DMD: variants seen among roughly 807,000 people sequenced by gnomAD.
DMD encodes the protein mutant dystrophin.
A neutral mutation model predicts 330.1 loss-of-function variants in DMD; 63 were observed. The ratio of observed to expected loss-of-function variants is 0.19; its 90% confidence interval spans 0.16 to 0.24. DMD has a LOEUF of 0.24. Ranked by LOEUF, DMD falls within the 10% of genes least tolerant of loss-of-function variation. The pLI, the probability that DMD is intolerant of heterozygous loss-of-function variation, is 1.00. For synonymous variants in DMD, 1,223 were observed against 959.8 expected (o/e 1.27, Z -5.07); for missense variants, 3,344 against 2,684.1 (o/e 1.25, Z -5.43).
chrX:32,733,851 G>T (rs1177656638), intron 7 of DMD, among the ~76,000 whole-genome samples: 1 of 102,656 alleles, frequency 9.7e-6, no homozygotes, highest in African/African-American at 3.6e-5. Context: ...ACAATTAAAA[G>T]AACTAGAAAA....
intron 59 of DMD, among the ~76,000 whole-genome samples, chrX:31,466,513 TG>T (rs1257466659): frequency 9.0e-6 from 1 of 111,487 alleles, no homozygotes; most frequent in Non-Finnish European, 1.9e-5. Context: ...TCTGTTCCAT[TG>T]GTCTATATAT....
intron 56 of DMD, among the ~76,000 whole-genome samples, chrX:31,501,257 C>T (rs865845653): frequency 1.8e-5 from 2 of 112,351 alleles, no homozygotes; most frequent in African/African-American, 3.2e-5. Flanking sequence ...GCTTTCTGAA[C>T]TTCTAATTCT....
At chrX:32,190,382 C>T (rs1374468795) in intron 44 of DMD, among the ~76,000 whole-genome samples, 1 of 108,235 alleles carries the variant, frequency 9.2e-6, no homozygotes, top group Non-Finnish European at 1.9e-5. Flanking sequence ...CAATGCTATA[C>T]CGCCTGTGCC....
intron 2 of DMD, among the ~76,000 whole-genome samples, chrX:33,003,496 T>C (rs539079865): frequency 1.8e-5 from 2 of 112,067 alleles, no homozygotes; most frequent in Middle Eastern, 4.7e-3. Context: ...TATAACAAAG[T>C]GGAAATAGAA....
At chrX:32,773,269 A>G (rs1382432639) in intron 7 of DMD, among the ~76,000 whole-genome samples, 3 of 110,391 alleles carry the variant, frequency 2.7e-5, no homozygotes, top group Admixed American at 9.6e-5. Flanking sequence ...TTCGTTAATT[A>G]TTTTAGTTAT....
intron 44 of DMD, among the ~76,000 whole-genome samples, chrX:32,046,995 G>C (rs901454881): frequency 9.0e-6 from 1 of 111,492 alleles, no homozygotes; most frequent in Non-Finnish European, 1.9e-5. Flanking sequence ...TGCCTAGTCA[G>C]TAATTGGCTC....
At chrX:33,135,516 T>TA (rs773403943) in intron 1 of DMD, among the ~76,000 whole-genome samples, 43 of 112,214 alleles carry the variant, frequency 3.8e-4, no homozygotes, top group Admixed American at 1.2e-3. Flanking sequence ...TATGCAGACA[T>TA]AAAAAAATCA....
intron 11 of DMD, among the ~76,000 whole-genome samples, chrX:32,616,772 T>C (rs746181196): frequency 9.8e-6 from 1 of 101,628 alleles, no homozygotes; most frequent in South Asian, 5.0e-4. Context: ...TCCTTGCTTC[T>C]AGGGTGTTGT....
chrX:31,192,747 A>C (rs973421227), intron 67 of DMD, among the ~76,000 whole-genome samples: 1 of 112,114 alleles, frequency 8.9e-6, no homozygotes, highest in Non-Finnish European at 1.9e-5. Flanking sequence ...TACGATTTTA[A>C]TACTGAAATA....
chrX:32,800,816 T>C (rs955215690), intron 7 of DMD, among the ~76,000 whole-genome samples: 5 of 111,105 alleles, frequency 4.5e-5, no homozygotes, highest in Non-Finnish European at 9.4e-5. Flanking sequence ...TTTCTGTTCC[T>C]ATGTTAGTTT....
chrX:32,720,113 A>G lies in DMD; in HGVS notation c.650-20820T>C, dbSNP rs749155863. ...ATTTCTTTGACTGTTTCTATCTGACAGAGCCACTCAACACTCGTAACACCT... is the reference window on the plus strand; with the variant it reads ...ATTTCTTTGACTGTTTCTATCTGACGGAGCCACTCAACACTCGTAACACCT... On this transcript the variant is annotated intron_variant, in intron 7 of 78. Coordinates refer to ENST00000357033, the MANE Select transcript of DMD (RefSeq NM_004006.3). Among the ~76,000 whole-genome samples the G allele has an allele frequency of 4.9e-3, 551 of 111,706 alleles. 12 individuals are homozygous for G. Among genetic ancestry groups the G allele is most frequent in the African/African-American group, 0.017 (522 of 30,893 alleles).
chrX:31,169,492 C>T lies in DMD; in HGVS notation c.10504G>A (p.Glu3502Lys). Residue 3502 changes from glutamate (E) to lysine (K), a missense_variant, in exon 74 of 79, where the codon GAA becomes AAA. Transcript: ENST00000357033. ...AQILISLESE[E>K]RGELERILAD... ...AGGATTCTCTCTAGCTCCCCTCTTTCCTCACTCTCTAAGGAAATCAAGATC... is the reference window on the plus strand; with the variant it reads ...AGGATTCTCTCTAGCTCCCCTCTTTTCTCACTCTCTAAGGAAATCAAGATC... The T allele has an allele frequency of 8.3e-7, 1 of 1,205,350 alleles. No individual in the cohort carries two copies. Among genetic ancestry groups the T allele is most frequent in the East Asian group, 3.0e-5 (1 of 33,791 alleles).
At chrX:32,248,650 T>C (rs2097251860) in intron 43 of DMD, among the ~76,000 whole-genome samples, 1 of 110,475 alleles carries the variant, frequency 9.1e-6, no homozygotes, top group Admixed American at 9.8e-5. Context: ...ACAATACTAT[T>C]AATTTTAACT....
intron 44 of DMD, among the ~76,000 whole-genome samples, chrX:32,161,991 T>C (rs936172307): frequency 3.6e-5 from 4 of 111,142 alleles, no homozygotes; most frequent in African/African-American, 1.3e-4. Flanking sequence ...AATGAGAGGC[T>C]TCAAAAAGAA....
chrX:32,545,877 C>T (rs781673003), intron 16 of DMD, among the ~76,000 whole-genome samples: 12 of 110,390 alleles, frequency 1.1e-4, no homozygotes, highest in African/African-American at 3.9e-4. Flanking sequence ...TTTAAAATTA[C>T]AATAAAAGGT....
intron 59 of DMD, among the ~76,000 whole-genome samples, chrX:31,467,360 A>G (rs1465062059): frequency 9.0e-6 from 1 of 111,258 alleles, no homozygotes; most frequent in African/African-American, 3.3e-5. Flanking sequence ...ATTTATTGAG[A>G]GTTTTTAGCA....
intron 55 of DMD, among the ~76,000 whole-genome samples, chrX:31,515,629 AT>A (rs1332013402): frequency 1.8e-5 from 2 of 112,099 alleles, no homozygotes; most frequent in African/African-American, 6.5e-5. Context: ...AAGTGGCTAA[AT>A]TGAGAGTAGG....
chrX:31,356,581 CA>C (rs149423860), intron 60 of DMD, among the ~76,000 whole-genome samples: 26,212 of 111,177 alleles, frequency 0.24, 2,947 homozygotes, highest in Non-Finnish European at 0.34. Flanking sequence ...ACTCTGCCAT[CA>C]AACTGGAAGG....
chrX:32,147,238 G>A (rs2096782227), intron 44 of DMD, among the ~76,000 whole-genome samples: 1 of 111,316 alleles, frequency 9.0e-6, no homozygotes, highest in African/African-American at 3.3e-5. Context: ...AGTGACCTAA[G>A]TGATCCTTCT....
Sources: allele counts gnomAD v4.1 joint callset (sites outside exome capture counted in the v4.1 genomes callset), GRCh38; gene constraint gnomAD v4.1.1; transcripts MANE v1.5; gene names NCBI Gene and HGNC (gene_info 2026-07-23, HGNC 2026-07-21).